FBXO4: variants seen among roughly 807,000 people sequenced by gnomAD.
FBXO4 encodes F-box only protein 4.
In FBXO4, 36 loss-of-function variants were observed where a neutral mutation model predicts 43.7. The ratio of observed to expected loss-of-function variants is 0.82; its 90% CI spans 0.63 to 1.09. The LOEUF is 1.09. Ranked by LOEUF, FBXO4 falls within the 50% of genes least tolerant of loss-of-function variation. The pLI is 0.00. For missense variants in FBXO4, 435 were observed against 474.1 expected (o/e 0.92, Z 0.77); for synonymous variants, 180 against 165.6 (o/e 1.09, Z -0.67).
At chr5:42,000,396 A>G in the FBXO4 span, among the ~76,000 whole-genome samples, 1 of 152,360 alleles carries the variant, frequency 6.6e-6, no homozygotes, top group East Asian at 1.9e-4. Flanking sequence ...ATTTTAAAAA[A>G]GAAAAATATC....
chr5:41,999,476 TAC>T, the FBXO4 span, among the ~76,000 whole-genome samples: 22 of 27,328 alleles, frequency 8.1e-4, no homozygotes, highest in African/African-American at 1.7e-3. Flanking sequence ...TATATATATA[TAC>T]ACATATATAT....
At chr5:42,032,213 G>A in the FBXO4 span, among the ~76,000 whole-genome samples, 1 of 151,986 alleles carries the variant, frequency 6.6e-6, no homozygotes, top group Non-Finnish European at 1.5e-5. Context: ...CTCACCCAAG[G>A]CCTGCAGTGA....
Position 41,934,122 on chromosome 5 carries a change from T to G in FBXO4, c.723-11T>G, listed in dbSNP as rs765832234. 1.2e-6 allele frequency: 2 copies of G among 1,613,686 alleles called. No homozygotes were observed. Among genetic ancestry groups the G allele is most frequent in the Admixed American group, 1.7e-5 (1 of 59,992 alleles). On this transcript the variant is annotated splice_polypyrimidine_tract_variant and intron_variant, in intron 4 of 6. Transcript: ENST00000281623. ...TCTTTTTATATTCTGTCTTTACAAT[T>G]TTTTTTCTAGAAAGGAAAGAGATAG...
At chr5:41,968,095 C>A in the FBXO4 span, 1 of 345,630 alleles carries the variant, frequency 2.9e-6, no homozygotes, top group East Asian at 7.6e-5. Context: ...GCAATGGGTT[C>A]TTCCCAAGAA....
At chr5:41,968,053 G>A in the FBXO4 span, 61 of 375,740 alleles carry the variant, frequency 1.6e-4, no homozygotes, top group Admixed American at 1.1e-3. Context: ...GATCCACTGG[G>A]CCAGTTTCCT....
the FBXO4 span, among the ~76,000 whole-genome samples, chr5:42,000,882 C>T: frequency 7.5e-4 from 114 of 152,246 alleles, no homozygotes; most frequent in African/African-American, 2.6e-3. Flanking sequence ...AATCAATTGA[C>T]TGTAAATGTG....
the FBXO4 span, among the ~76,000 whole-genome samples, chr5:41,977,934 C>A: frequency 2.0e-5 from 3 of 152,168 alleles, no homozygotes; most frequent in East Asian, 5.8e-4. Flanking sequence ...CACTAAGTTT[C>A]TGTATTAGTC....
the FBXO4 span, among the ~76,000 whole-genome samples, chr5:42,011,371 T>C: frequency 6.6e-6 from 1 of 152,214 alleles, no homozygotes; most frequent in Non-Finnish European, 1.5e-5. Context: ...GTTTGGTCTC[T>C]TCTCTTGGCA....
At chr5:41,993,919 G>A in the FBXO4 span, among the ~76,000 whole-genome samples, 1 of 151,994 alleles carries the variant, frequency 6.6e-6, no homozygotes, top group African/African-American at 2.4e-5. Flanking sequence ...ACAGATTAAG[G>A]GTGGGTCTGA....
At chr5:41,959,570 A>T in the FBXO4 span, among the ~76,000 whole-genome samples, 1 of 152,074 alleles carries the variant, frequency 6.6e-6, no homozygotes, top group African/African-American at 2.4e-5. Context: ...GTGCTTTGAG[A>T]CGATGGTCTA....
the FBXO4 span, among the ~76,000 whole-genome samples, chr5:42,024,674 C>G: frequency 6.6e-6 from 1 of 151,910 alleles, no homozygotes; most frequent in South Asian, 2.1e-4. Flanking sequence ...TTGGACCCAC[C>G]AACAATCTCT....
the FBXO4 span, among the ~76,000 whole-genome samples, chr5:42,023,660 A>G: frequency 2.6e-5 from 4 of 151,954 alleles, no homozygotes; most frequent in Admixed American, 6.6e-5. Flanking sequence ...TTGAAGTCAC[A>G]TCACAAACAA....
the FBXO4 span, among the ~76,000 whole-genome samples, chr5:41,995,676 T>G: frequency 6.6e-6 from 1 of 152,232 alleles, no homozygotes; most frequent in Non-Finnish European, 1.5e-5. Context: ...CACCCATTGA[T>G]GAGTACTCAC....
At chr5:42,028,080 C>CT in the FBXO4 span, among the ~76,000 whole-genome samples, 32 of 151,848 alleles carry the variant, frequency 2.1e-4, no homozygotes, top group African/African-American at 7.5e-4. Flanking sequence ...TCTAATATTT[C>CT]TTTTTTGATG....
the FBXO4 span, among the ~76,000 whole-genome samples, chr5:41,999,402 T>TTA: frequency 9.1e-5 from 13 of 142,966 alleles, no homozygotes; most frequent in Non-Finnish European, 1.5e-4. Context: ...ATATATATAT[T>TTA]TATATATATG....
chr5:41,942,279 G>T (rs1362585332), downstream of FBXO4, among the ~76,000 whole-genome samples: 1 of 151,948 alleles, frequency 6.6e-6, no homozygotes, highest in African/African-American at 2.4e-5. Context: ...TTTCACATTT[G>T]TCAGAATGTT....
At chr5:42,032,145 G>A in the FBXO4 span, among the ~76,000 whole-genome samples, 2 of 151,456 alleles carry the variant, frequency 1.3e-5, no homozygotes, top group Admixed American at 1.3e-4. Context: ...AATCACCCCT[G>A]TGCCCACTAC....
At chr5:42,012,848 G>A in the FBXO4 span, among the ~76,000 whole-genome samples, 1 of 152,196 alleles carries the variant, frequency 6.6e-6, no homozygotes, top group South Asian at 2.1e-4. Context: ...TTAGATGTTT[G>A]TTGTAAGATT....
At chr5:41,990,511 G>A in the FBXO4 span, among the ~76,000 whole-genome samples, 1 of 152,298 alleles carries the variant, frequency 6.6e-6, no homozygotes, top group Admixed American at 6.5e-5. Context: ...AGACTTCTCT[G>A]AGAAAATAAT....
Sources: gnomAD v4.1 joint callset for allele counts (sites outside exome capture counted in the v4.1 genomes callset) on GRCh38, gnomAD v4.1.1 for gene constraint, MANE v1.5 for transcripts, NCBI Gene and HGNC (gene_info 2026-07-23, HGNC 2026-07-21) for gene names.